The following NRCAM variants were observed in gnomAD, a reference collection of about 807,000 sequenced individuals.
NRCAM encodes the protein NgCAM-related cell adhesion molecule.
In NRCAM, 83 loss-of-function variants were observed where a neutral mutation model predicts 156.5. The observed-to-expected ratio is 0.53, with a 90% CI of 0.44 to 0.64. The LOEUF (loss-of-function observed/expected upper bound fraction) is 0.64, where lower values mean the gene tolerates loss of function less well. Ranked by LOEUF, NRCAM falls within the 30% of genes least tolerant of loss-of-function variation. NRCAM has a pLI of 0.00. For synonymous variants in NRCAM, 538 were observed against 563.9 expected (o/e 0.95, Z 0.65); for missense variants, 1,417 against 1,597.3 (o/e 0.89, Z 1.92).
At chr7:108,225,524 G>T in intron 10 of NRCAM, 121 bp downstream of exon 10, 1 of 740,198 alleles carries the variant, frequency 1.4e-6, no homozygotes, top group South Asian at 1.5e-5. Flanking sequence ...TATACTAGTG[G>T]TATTTAACAT....
At chr7:108,205,544 C>T (rs1294313774) in intron 13 of NRCAM, among the ~76,000 whole-genome samples, 1 of 152,152 alleles carries the variant, frequency 6.6e-6, no homozygotes, top group African/African-American at 2.4e-5. Flanking sequence ...CCCCTAGCTT[C>T]CCCATTTTCC....
At position 108,181,790 on chromosome 7, in the gene NRCAM, A is replaced by C. The variant is rs752565224; in HGVS notation, c.2646+32T>G. 3 of 1,500,100 alleles carry C rather than the reference A, an allele frequency of 2.0e-6. No homozygotes were observed. In the South Asian group the frequency reaches 3.4e-5, roughly 17 times the overall value. 92.9% of individuals were successfully genotyped at this position (1,500,100 alleles called of 1,614,324 possible). Reference sequence around the variant, plus strand: ...GTGGCATTCGCTGCAGCCCTTACTAAATAAAGCCACAAAAGGTCCCCTTTC... The same window carrying C: ...GTGGCATTCGCTGCAGCCCTTACTACATAAAGCCACAAAAGGTCCCCTTTC... On this transcript the variant is annotated intron_variant, in intron 24 of 32. Transcript: ENST00000379028.
intron 13 of NRCAM, among the ~76,000 whole-genome samples, chr7:108,198,594 A>G (rs2076355255): frequency 6.6e-6 from 1 of 152,188 alleles, no homozygotes; most frequent in Admixed American, 6.5e-5. Context: ...TATTTAGGAG[A>G]AAAAAAGTTA....
chr7:108,344,101 G>C (rs1235968823), intron 2 of NRCAM, among the ~76,000 whole-genome samples: 1 of 152,140 alleles, frequency 6.6e-6, no homozygotes, highest in Non-Finnish European at 1.5e-5. Flanking sequence ...TCAGCAGGAA[G>C]CAGTTGGAGC....
chr7:108,163,712 G>A (rs2050973512), intron 30 of NRCAM, among the ~76,000 whole-genome samples: 1 of 151,850 alleles, frequency 6.6e-6, no homozygotes, highest in South Asian at 2.1e-4. Context: ...CAGATGGGGT[G>A]GCACTAAAGA....
intron 2 of NRCAM, among the ~76,000 whole-genome samples, chr7:108,355,495 G>A (rs1330418222): frequency 6.6e-6 from 1 of 152,152 alleles, no homozygotes; most frequent in Non-Finnish European, 1.5e-5. Context: ...CAAGTACAAA[G>A]AGAAAAAATG....
chr7:108,440,824 G>T (rs187865398), intron 1 of NRCAM, among the ~76,000 whole-genome samples: 121 of 152,266 alleles, frequency 7.9e-4, no homozygotes, highest in African/African-American at 2.7e-3. Context: ...CAAGTCTCTG[G>T]CTGCTCACAA....
At chr7:108,370,243 A>T (rs961474959) in intron 2 of NRCAM, among the ~76,000 whole-genome samples, 2 of 152,164 alleles carry the variant, frequency 1.3e-5, no homozygotes, top group African/African-American at 4.8e-5. Context: ...AGCCTGAGCC[A>T]ATGTTTTCCA....
intron 2 of NRCAM, among the ~76,000 whole-genome samples, chr7:108,352,690 T>C (rs1171140083): frequency 1.3e-5 from 2 of 152,232 alleles, no homozygotes; most frequent in African/African-American, 4.8e-5. Flanking sequence ...GGTTAATTTT[T>C]CCTGAAAATC....
chr7:108,397,868 T>C (rs2099781425), intron 2 of NRCAM, among the ~76,000 whole-genome samples: 1 of 151,998 alleles, frequency 6.6e-6, no homozygotes, highest in South Asian at 2.1e-4. Context: ...TATTTGTCTC[T>C]AGGAAGAAAA....
At chr7:108,215,889 T>G (rs2088316565) in intron 11 of NRCAM, among the ~76,000 whole-genome samples, 1 of 152,246 alleles carries the variant, frequency 6.6e-6, no homozygotes, top group Non-Finnish European at 1.5e-5. Flanking sequence ...CGTCTTTTAA[T>G]TTGGGCATTT....
intron 1 of NRCAM, among the ~76,000 whole-genome samples, chr7:108,426,351 A>G (rs1817294441): frequency 1.3e-5 from 2 of 152,260 alleles, no homozygotes; most frequent in South Asian, 4.1e-4. Context: ...AGGCTTAAAC[A>G]GAGTGAGCAC....
chr7:108,239,847 T>C, intron 4 of NRCAM, 112 bp downstream of exon 4: 1 of 624,172 alleles, frequency 1.6e-6, no homozygotes, highest in Non-Finnish European at 2.8e-6. Flanking sequence ...TAATTTTGAT[T>C]AGCTTTTCAG....
chr7:108,220,978 C>T (rs982043818), intron 11 of NRCAM, among the ~76,000 whole-genome samples: 1 of 152,094 alleles, frequency 6.6e-6, no homozygotes, highest in South Asian at 2.1e-4. Flanking sequence ...CCAGAATCTA[C>T]AACAAACTCA....
intron 20 of NRCAM, among the ~76,000 whole-genome samples, chr7:108,188,234 T>C (rs917716893): frequency 8.5e-5 from 13 of 152,090 alleles, no homozygotes; most frequent in African/African-American, 2.4e-4. Context: ...TCTGGGACCT[T>C]TGCTGTGCCC....
intron 4 of NRCAM, among the ~76,000 whole-genome samples, 174 bp downstream of exon 4, chr7:108,239,785 T>C (rs905015584): frequency 1.3e-5 from 2 of 152,196 alleles, no homozygotes; most frequent in Non-Finnish European, 2.9e-5. Flanking sequence ...CAATGGCCAC[T>C]TCTACAGTGT....
intron 32 of NRCAM, among the ~76,000 whole-genome samples, chr7:108,157,510 G>A (rs1257725097): frequency 1.3e-5 from 2 of 152,130 alleles, no homozygotes; most frequent in Non-Finnish European, 2.9e-5. Flanking sequence ...TGGCTGAGTT[G>A]AAAGTAAAAC....
intron 3 of NRCAM, among the ~76,000 whole-genome samples, chr7:108,246,628 A>G (rs1039177558): frequency 3.9e-5 from 6 of 152,204 alleles, no homozygotes; most frequent in African/African-American, 7.2e-5. Flanking sequence ...AGAACACTGG[A>G]TAGGTGATAA....
intron 32 of NRCAM, among the ~76,000 whole-genome samples, chr7:108,157,357 C>T (rs1312047391): frequency 6.6e-6 from 1 of 152,012 alleles, no homozygotes; most frequent in Non-Finnish European, 1.5e-5. Flanking sequence ...AGACATATGA[C>T]CAAATAGATG....
Sources: gnomAD v4.1 joint callset for allele counts (sites outside exome capture counted in the v4.1 genomes callset) on GRCh38, gnomAD v4.1.1 for gene constraint, MANE v1.5 for transcripts, NCBI Gene and HGNC (gene_info 2026-07-23, HGNC 2026-07-21) for gene names.